Variants in FGD3 observed in about 807,000 individuals in gnomAD.
FGD3 encodes the protein FYVE, RhoGEF and PH domain containing 3.
FGD3 carries 45 observed loss-of-function variants against 71.8 expected under a neutral mutation model. That is an observed-to-expected ratio of 0.63 (90% CI 0.49 to 0.80). The LOEUF is 0.80. FGD3 is among the 30% of genes least tolerant of loss of function. The pLI is 0.00. For synonymous variants in FGD3, 378 were observed against 392.8 expected (o/e 0.96, Z 0.44); for missense variants, 844 against 951.5 (o/e 0.89, Z 1.49).
chr9:93,034,267 G>T (rs1017804184), intron 16 of FGD3: 5 of 380,672 alleles, frequency 1.3e-5, no homozygotes, highest in Non-Finnish European at 9.4e-6. Context: ...GTTTTCCTAT[G>T]ATTTTGATGT....
chr9:93,010,996 C>G (rs1368241407), intron 7 of FGD3, among the ~76,000 whole-genome samples: 2 of 152,050 alleles, frequency 1.3e-5, no homozygotes, highest in East Asian at 3.9e-4. Flanking sequence ...CGTGGGAGCC[C>G]CCTGCCTGGT....
chr9:92,959,973 C>G (rs1304692489), intron 1 of FGD3, among the ~76,000 whole-genome samples: 2 of 151,934 alleles, frequency 1.3e-5, no homozygotes, highest in African/African-American at 4.8e-5. Flanking sequence ...CCATAACCTC[C>G]ACATCTCCAT....
At chr9:92,989,558 T>C (rs75587475) in intron 3 of FGD3, among the ~76,000 whole-genome samples, 2 of 152,368 alleles carry the variant, frequency 1.3e-5, no homozygotes, top group South Asian at 2.1e-4. Context: ...AGAAAAACAG[T>C]CTGTGGCCTG....
At chr9:92,993,654 C>T (rs1233974559) in intron 3 of FGD3, among the ~76,000 whole-genome samples, 2 of 152,270 alleles carry the variant, frequency 1.3e-5, no homozygotes, top group Non-Finnish European at 2.9e-5. Context: ...TGTGATATTC[C>T]TCACTCTGTG....
intron 7 of FGD3, 63 bp from the exon 8 acceptor site, chr9:93,011,151 C>T: frequency 6.5e-7 from 1 of 1,536,356 alleles, no homozygotes; most frequent in Non-Finnish European, 9.0e-7. Flanking sequence ...GCCCTGGAGC[C>T]CCTCAGGCAA....
In FGD3 at chr9:93,022,314, G is replaced by C; in HGVS notation, c.1495-13G>C. The C allele has an allele frequency of 6.2e-7, 1 of 1,609,540 alleles. No homozygotes were observed. The highest frequency in any genetic ancestry group is 8.5e-7 in the Non-Finnish European group (1 of 1,177,510). On this transcript the variant is annotated splice_polypyrimidine_tract_variant and intron_variant, in intron 13 of 17. Transcript: ENST00000375482. ...TGGAATCTCCTCTCACTCGGCCTCT[G>C]TGTCCCTTCTAGATCACGAGCACCA...
rs145395325 is a variant in FGD3 at position 92,951,425 on chromosome 9, C to A, written c.-218+3696C>A. ...AACAGGATGGCTCATGCCTATAATC[C>A]CAACACTTTGAGAGGCCGAGATGGG... On this transcript the variant is annotated intron_variant, in intron 1 of 17. Coordinates refer to ENST00000375482, the MANE Select transcript of FGD3 (RefSeq NM_001083536.2). Among the ~76,000 whole-genome samples, 268 of 152,244 alleles carry A rather than the reference C, an allele frequency of 1.8e-3. 1 individual carries two copies. Among genetic ancestry groups the A allele is most frequent in the African/African-American group, 6.1e-3 (252 of 41,538 alleles).
Position 93,035,790 on chromosome 9 carries a change from G to A in FGD3, c.*201G>A, listed in dbSNP as rs1417716946. 2.6e-6 allele frequency: 2 copies of A among 763,310 alleles called. No individual in the cohort carries two copies. Among genetic ancestry groups the A allele is most frequent in the Non-Finnish European group, 3.9e-6 (2 of 509,680 alleles). The allele number at this position is 763,310 out of a possible 1,614,324, so 47.3% of individuals were successfully genotyped here. A position where few individuals can be genotyped will look rare whatever the true frequency, so the allele number is the denominator to read the frequency against. ...GGCCAAGGGTCACCCAGCAAGTTTT[G>A]GCTAAGAGCCTGGCCTCCAGCCCCA... is the stretch of plus-strand genomic sequence containing the variant. On this transcript the variant is annotated 3_prime_UTR_variant, in exon 18 of 18. Transcript: ENST00000375482.
intron 3 of FGD3, among the ~76,000 whole-genome samples, chr9:92,991,501 T>C (rs956855912): frequency 3.3e-5 from 5 of 152,222 alleles, no homozygotes; most frequent in African/African-American, 4.8e-5. Context: ...TTTTATTCCA[T>C]TGTGGTAAGA....
intron 11 of FGD3, among the ~76,000 whole-genome samples, chr9:93,019,334 G>A (rs1488983861): frequency 6.6e-6 from 1 of 152,134 alleles, no homozygotes; most frequent in Non-Finnish European, 1.5e-5. Flanking sequence ...TCCCACTGAC[G>A]AGGACCTGCG....
intron 14 of FGD3, among the ~76,000 whole-genome samples, chr9:93,026,507 T>C (rs972462711): frequency 1.3e-5 from 2 of 152,188 alleles, no homozygotes; most frequent in African/African-American, 4.8e-5. Flanking sequence ...CTCGACGGGC[T>C]GCGGACCTCA....
At chr9:92,990,221 T>C (rs746615870) in intron 3 of FGD3, among the ~76,000 whole-genome samples, 1 of 152,150 alleles carries the variant, frequency 6.6e-6, no homozygotes, top group Non-Finnish European at 1.5e-5. Flanking sequence ...GAGGACTGCT[T>C]GAGCCAAGGA....
chr9:92,986,932 C>A (rs1048117528), intron 3 of FGD3, among the ~76,000 whole-genome samples: 2 of 152,194 alleles, frequency 1.3e-5, no homozygotes, highest in Non-Finnish European at 2.9e-5. Flanking sequence ...GTCTTTGCTG[C>A]CACACAAATT....
At chr9:92,962,622 AT>A (rs1859190502) in intron 1 of FGD3, among the ~76,000 whole-genome samples, 1 of 152,140 alleles carries the variant, frequency 6.6e-6, no homozygotes, top group Non-Finnish European at 1.5e-5. Flanking sequence ...TCTCCATTTC[AT>A]GGAGGAAGAA....
In FGD3 at chr9:93,029,969, G is replaced by C; in HGVS notation, c.1653G>C (p.Arg551Ser). Residue 551 changes from arginine to serine, a missense_variant, in exon 15 of 18, where the codon AGG becomes AGC. Physicochemically the swap from Arg to Ser is moderately radical, Grantham distance 110 (BLOSUM62 -1). Coordinates refer to ENST00000375482, the MANE Select transcript of FGD3 (RefSeq NM_001083536.2). ...AGACCTTCAACTCCATCACCAAGAG[G>C]AGGCATCACTGCAAGCTGTGTGGGG... ...CGETFNSITK[R>S]RHHCKLCGAV... 1 of 1,613,192 alleles carries C rather than the reference G, an allele frequency of 6.2e-7. No homozygotes were observed. Among genetic ancestry groups the C allele is most frequent in the Non-Finnish European group, 8.5e-7 (1 of 1,179,550 alleles).
chr9:92,991,374 C>G (rs753726502), intron 3 of FGD3, among the ~76,000 whole-genome samples: 1 of 152,270 alleles, frequency 6.6e-6, no homozygotes, highest in East Asian at 1.9e-4. Flanking sequence ...CCATTGCACC[C>G]GGCCCTTAAA....
intron 9 of FGD3, among the ~76,000 whole-genome samples, chr9:93,014,277 C>T (rs1200417988): frequency 2.0e-5 from 3 of 152,154 alleles, no homozygotes; most frequent in African/African-American, 4.8e-5. Flanking sequence ...CTCTTTCGTC[C>T]CCAGAACTGA....
intron 3 of FGD3, among the ~76,000 whole-genome samples, chr9:92,989,913 G>T (rs1486181850): frequency 2.6e-5 from 3 of 117,398 alleles, no homozygotes; most frequent in African/African-American, 3.3e-5. Context: ...TTCACACCTT[G>T]TAGAGGTTTT....
intron 1 of FGD3, among the ~76,000 whole-genome samples, chr9:92,961,961 T>C (rs186377957): frequency 2.0e-5 from 3 of 152,350 alleles, no homozygotes; most frequent in African/African-American, 7.2e-5. Context: ...TGTAATGTCC[T>C]ATTGTACAGT....
Sources: gnomAD v4.1 joint callset for allele counts (sites outside exome capture counted in the v4.1 genomes callset) on GRCh38, gnomAD v4.1.1 for gene constraint, MANE v1.5 for transcripts, NCBI Gene and HGNC (gene_info 2026-07-23, HGNC 2026-07-21) for gene names.